RNF148: variants seen among roughly 807,000 people sequenced by gnomAD.
The protein encoded by RNF148 is ring finger protein 148.
A neutral mutation model predicts 21.1 loss-of-function variants in RNF148; 16 were observed. The observed-to-expected ratio is 0.76, with a 90% confidence interval of 0.51 to 1.15. The LOEUF is 1.15. RNF148 is among the 50% of genes most tolerant of loss of function. RNF148 has a pLI of 0.00. For missense variants in RNF148, 424 were observed against 374.2 expected, an observed-to-expected ratio of 1.13 and a Z score of -1.10; for synonymous variants, 150 against 136.4, an observed-to-expected ratio of 1.10 and a Z score of -0.69.
At position 122,702,481 on chromosome 7, in the gene RNF148, G is replaced by T; in HGVS notation, c.270C>A (p.Thr90=). ...CTGCCTGTTTGGGCCTGCTGAAATTGGTCAAAGGATGACAGGCATTCTGAT... is the reference window on the plus strand; with the variant it reads ...CTGCCTGTTTGGGCCTGCTGAAATTTGTCAAAGGATGACAGGCATTCTGAT... ...GWNQNACHPL[T]NFSRPKQADS... The change falls in exon 1 of 1, where the codon ACC becomes ACA. Residue 90 remains threonine, a synonymous_variant. Transcript: ENST00000434824. 6.2e-7 allele frequency: 1 copy of T among 1,613,718 alleles called. No homozygotes were observed. The highest frequency in any genetic ancestry group is 8.5e-7 in the Non-Finnish European group (1 of 1,179,772).
chr7:122,702,355 A>G lies in RNF148; in HGVS notation c.396T>C (p.Tyr132=). 1 of 1,613,734 alleles carries G rather than the reference A, an allele frequency of 6.2e-7. No individual in the cohort carries two copies. The highest frequency in any genetic ancestry group is 8.5e-7 in the Non-Finnish European group (1 of 1,179,770). The change falls in exon 1 of 1, where the codon TAT becomes TAC. Residue 132 remains tyrosine (Y), a synonymous_variant. Transcript: ENST00000434824. ...KGANGVIIYN[Y]QGTGSKVFPM... ...GAAATACTTTACTGCCCGTACCTTG[A>G]TAGTTGTAGATGATCACCCCATTTG...
chr7:122,702,767 T>C lies in RNF148; in HGVS notation c.-17A>G. 6.5e-7 allele frequency: 1 copy of C among 1,548,806 alleles called. No individual in the cohort carries two copies. Among genetic ancestry groups the C allele is most frequent in the Non-Finnish European group, 8.7e-7 (1 of 1,144,810 alleles). The stretch of plus-strand genomic sequence containing the variant: ...GAAGCTCATGCCTCCATTTGTCTAT[T>C]AAGAGACAAACATGAGAAAACAAAA... On this transcript the variant is annotated 5_prime_UTR_variant, in exon 1 of 1. The change abolishes the stop of an existing upstream ORF in the 5' untranslated region. Coordinates refer to ENST00000434824, the MANE Select transcript of RNF148 (RefSeq NM_198085.2).
Position 122,702,310 on chromosome 7 carries a change from C to T in RNF148, c.441G>A (p.Thr147=), listed in dbSNP as rs756435467. The change falls in exon 1 of 1, where the codon ACG becomes ACA. Residue 147 remains threonine, a synonymous_variant. Transcript: ENST00000434824. ...TTATCATCACCGCGACTATATTTTC[C>T]GTCCCCTGGTGAGACATGGGAAATA... ...SKVFPMSHQG[T]ENIVAVMISN... 11 of 1,613,684 alleles carry T rather than the reference C, an allele frequency of 6.8e-6. No individual in the cohort carries two copies. Among genetic ancestry groups the T allele is most frequent in the African/African-American group, 4.0e-5 (3 of 74,908 alleles).
Position 122,702,068 on chromosome 7 carries a change from A to G in RNF148, c.683T>C (p.Ile228Thr), listed in dbSNP as rs2086211409. ...PNSFTRRRSQ[I>T]KTDVKKAIDQ... ...AATAGCTTTCTTCACATCTGTCTTT[A>G]TTTGACTTCGCCTCCTGGTGAAAGA... The change falls in exon 1 of 1, where the codon ATA becomes ACA. Residue 228 changes from isoleucine (I) to threonine (T), a missense_variant. Coordinates refer to ENST00000434824, the MANE Select transcript of RNF148 (RefSeq NM_198085.2). 6.2e-7 allele frequency: 1 copy of G among 1,613,476 alleles called. No individual in the cohort carries two copies. Among genetic ancestry groups the G allele is most frequent in the Non-Finnish European group, 8.5e-7 (1 of 1,179,704 alleles).
chr7:122,702,626 A>C lies in RNF148; in HGVS notation c.125T>G (p.Leu42Arg). The change falls in exon 1 of 1, where the codon CTG becomes CGG. Residue 42 changes from leucine to arginine, a missense_variant. Physicochemically the swap from Leu to Arg is moderately radical, Grantham distance 102. Coordinates refer to ENST00000434824, the MANE Select transcript of RNF148 (RefSeq NM_198085.2). ...SNGKAIWTAH[L>R]NITFQVGNEI... ...ATTTCCAACCTGAAATGTTATATTCAGGTGAGCTGTCCAAATGGCTTTTCC... is the reference window on the plus strand; with the variant it reads ...ATTTCCAACCTGAAATGTTATATTCCGGTGAGCTGTCCAAATGGCTTTTCC... The C allele has an allele frequency of 6.2e-7, 1 of 1,613,626 alleles. No individual in the cohort carries two copies.
At position 122,702,076 on chromosome 7, in the gene RNF148, T is replaced by C. The variant is rs748454175; in HGVS notation, c.675A>G (p.Arg225=). 1.9e-6 allele frequency: 3 copies of C among 1,613,672 alleles called. No individual in the cohort carries two copies. The highest frequency in any genetic ancestry group is 1.7e-6 in the Non-Finnish European group (2 of 1,179,722). Residue 225 remains arginine, a synonymous_variant, in exon 1 of 1, where the codon CGA becomes CGG. Coordinates refer to ENST00000434824, the MANE Select transcript of RNF148 (RefSeq NM_198085.2). ...TCTTCACATCTGTCTTTATTTGACTTCGCCTCCTGGTGAAAGAATTGGGCA... is the reference window on the plus strand; with the variant it reads ...TCTTCACATCTGTCTTTATTTGACTCCGCCTCCTGGTGAAAGAATTGGGCA... ...PRVPNSFTRR[R]SQIKTDVKKA...
Position 122,702,724 on chromosome 7 carries a change from C to T in RNF148, c.27G>A (p.Ser9=), listed in dbSNP as rs147362816. 911 of 1,608,442 alleles carry T rather than the reference C, an allele frequency of 5.7e-4. 2 individuals are homozygous for T. The African/African-American group carries it at 0.011, about 19-fold the overall frequency. The change falls in exon 1 of 1, where the codon TCG becomes TCA. Residue 9 remains serine, a synonymous_variant. Transcript: ENST00000434824. ...GTCCAGATGAAACAGAACTATGCGT[C>T]GAAGGGGTAATTCTAAGGAAGCTCA... MSFLRITP[S]THSSVSSGLL...
At position 122,701,917 on chromosome 7, in the gene RNF148, A is replaced by G. The variant is rs771694350; in HGVS notation, c.834T>C (p.His278=). The G allele has an allele frequency of 4.7e-5, 76 of 1,613,668 alleles. No homozygotes were observed. The highest frequency in any genetic ancestry group is 5.9e-5 in the Non-Finnish European group (70 of 1,179,638). The change falls in exon 1 of 1, where the codon CAT becomes CAC. Residue 278 remains histidine (H), a synonymous_variant. Transcript: ENST00000434824. The part of the protein sequence containing the change: ...QDVVRILTCK[H]FFHKACIDPW... The stretch of plus-strand genomic sequence containing the variant: ...GGTCAATGCATGCCTTATGGAAAAA[A>G]TGTTTGCAAGTTAAAATGCGTACTA...
At position 122,701,927 on chromosome 7, in the gene RNF148, G is replaced by A; in HGVS notation, c.824C>T (p.Thr275Ile). Residue 275 changes from threonine (T) to isoleucine (I), a missense_variant, in exon 1 of 1, where the codon ACT becomes ATT. Thr to Ile is a moderately conservative substitution (Grantham distance 89). Coordinates refer to ENST00000434824, the MANE Select transcript of RNF148 (RefSeq NM_198085.2). ...YKPQDVVRILTCKHFFHKACI... is the reference protein window; with the variant it reads ...YKPQDVVRILICKHFFHKACI... Reference sequence around the variant, plus strand: ...TGCCTTATGGAAAAAATGTTTGCAAGTTAAAATGCGTACTACATCTTGGGG... The same window carrying A: ...TGCCTTATGGAAAAAATGTTTGCAAATTAAAATGCGTACTACATCTTGGGG... The A allele has an allele frequency of 6.2e-7, 1 of 1,613,576 alleles. No individual in the cohort carries two copies. The highest frequency in any genetic ancestry group is 8.5e-7 in the Non-Finnish European group (1 of 1,179,600).
In RNF148 at chr7:122,702,311, G is replaced by A. The variant is rs201973741; in HGVS notation, c.440C>T (p.Thr147Met). Residue 147 changes from threonine (T) to methionine (M), a missense_variant, in exon 1 of 1, where the codon ACG becomes ATG. Coordinates refer to ENST00000434824, the MANE Select transcript of RNF148 (RefSeq NM_198085.2). Reference protein sequence around the residue: ...SKVFPMSHQGTENIVAVMISN... With the variant: ...SKVFPMSHQGMENIVAVMISN... ...TATCATCACCGCGACTATATTTTCC[G>A]TCCCCTGGTGAGACATGGGAAATAC... 121 of 1,613,598 alleles carry A rather than the reference G, an allele frequency of 7.5e-5. No individual in the cohort carries two copies. The highest frequency in any genetic ancestry group is 5.0e-4 in the Middle Eastern group (3 of 6,060).
Position 122,702,468 on chromosome 7 carries a change from G to A in RNF148, c.283C>T (p.Pro95Ser). The A allele has an allele frequency of 3.7e-6, 6 of 1,613,712 alleles. No homozygotes were observed. The South Asian group carries it at 6.6e-5, about 18-fold the overall frequency. Reference protein sequence around the residue: ...ACHPLTNFSRPKQADSWLALI... With the variant: ...ACHPLTNFSRSKQADSWLALI... ...GCCAGCCATGAGTCTGCCTGTTTGG[G>A]CCTGCTGAAATTGGTCAAAGGATGA... Residue 95 changes from proline to serine, a missense_variant, in exon 1 of 1, where the codon CCC becomes TCC. By Grantham distance (74) the Pro-to-Ser change is moderately conservative. Coordinates refer to ENST00000434824, the MANE Select transcript of RNF148 (RefSeq NM_198085.2).
Position 122,701,865 on chromosome 7 carries a change from G to C in RNF148, c.886C>G (p.Pro296Ala), listed in dbSNP as rs760581780. ...DPWLLAHRTC[P>A]MCKCDILKT ...TTCAGGATGTCACACTTGCACATGG[G>C]ACATGTCCTATGGGCTAAAAGCCAG... The change falls in exon 1 of 1, where the codon CCC (proline) becomes GCC (alanine). Residue 296 changes from proline to alanine, a missense_variant. Coordinates refer to ENST00000434824, the MANE Select transcript of RNF148 (RefSeq NM_198085.2). 3.7e-6 allele frequency: 6 copies of C among 1,611,352 alleles called. No homozygotes were observed. The Admixed American group carries it at 1.0e-4, about 27-fold the overall frequency.
In RNF148 at chr7:122,702,368, A is replaced by G; in HGVS notation, c.383T>C (p.Ile128Thr). 1 of 1,613,768 alleles carries G rather than the reference A, an allele frequency of 6.2e-7. No homozygotes were observed. Among genetic ancestry groups the G allele is most frequent in the Non-Finnish European group, 8.5e-7 (1 of 1,179,790 alleles). The change falls in exon 1 of 1, where the codon ATC becomes ACC. Residue 128 changes from isoleucine to threonine, a missense_variant. Ile to Thr is a moderately conservative substitution (Grantham distance 89, BLOSUM62 -1). Transcript: ENST00000434824. ...GCCCGTACCTTGATAGTTGTAGATGATCACCCCATTTGCTCCCTTCTCTGC... is the reference window on the plus strand; with the variant it reads ...GCCCGTACCTTGATAGTTGTAGATGGTCACCCCATTTGCTCCCTTCTCTGC... ...VAAEKGANGV[I>T]IYNYQGTGSK...
rs773977697 is a variant in RNF148, at chr7:122,702,183, A to G, written c.568T>C (p.Tyr190His). 4.5e-5 allele frequency: 72 copies of G among 1,613,622 alleles called. No individual in the cohort carries two copies. In the South Asian group the frequency reaches 7.7e-4, roughly 17 times the overall value. ...AGGAAGGTAAATAGATACATGATGTAATGGCTCACCCACTGCATGTGCATT... is the reference window on the plus strand; with the variant it reads ...AGGAAGGTAAATAGATACATGATGTGATGGCTCACCCACTGCATGTGCATT... Reference protein sequence around the residue: ...GRMHMQWVSHYIMYLFTFLAA... With the variant: ...GRMHMQWVSHHIMYLFTFLAA... Residue 190 changes from tyrosine to histidine, a missense_variant, in exon 1 of 1, where the codon TAC becomes CAC. Physicochemically the swap from Tyr to His is moderately conservative, Grantham distance 83 (BLOSUM62 2). Transcript: ENST00000434824.
At position 122,702,184 on chromosome 7, in the gene RNF148, A is replaced by T. The variant is rs761212494; in HGVS notation, c.567T>A (p.His189Gln). ...VGRMHMQWVS[H>Q]YIMYLFTFLA... ...GGAAGGTAAATAGATACATGATGTA[A>T]TGGCTCACCCACTGCATGTGCATTC... The change falls in exon 1 of 1, where the codon CAT becomes CAA. Residue 189 changes from histidine (H) to glutamine (Q), a missense_variant. Coordinates refer to ENST00000434824, the MANE Select transcript of RNF148 (RefSeq NM_198085.2). 6.2e-7 allele frequency: 1 copy of T among 1,613,668 alleles called. No homozygotes were observed. The highest frequency in any genetic ancestry group is 2.2e-5 in the East Asian group (1 of 44,868).
chr7:122,701,791 T>C lies in RNF148; in HGVS notation c.*42A>G. On this transcript the variant is annotated 3_prime_UTR_variant, in exon 1 of 1. Coordinates refer to ENST00000434824, the MANE Select transcript of RNF148 (RefSeq NM_198085.2). ...AGACAATTTATCTAATCTTTGTATT[T>C]GGAAAGATCTGGTTACATCTTCAGA... 7.9e-7 allele frequency: 1 copy of C among 1,269,906 alleles called. No individual in the cohort carries two copies. The highest frequency in any genetic ancestry group is 2.2e-5 in the Admixed American group (1 of 44,796). The allele number at this position is 1,269,906 out of a possible 1,614,324, so 78.7% of individuals were successfully genotyped here.
rs749833131 is a variant in RNF148 at position 122,702,312 on chromosome 7, T to C, written c.439A>G (p.Thr147Ala). 1 of 1,613,770 alleles carries C rather than the reference T, an allele frequency of 6.2e-7. No homozygotes were observed. The highest frequency in any genetic ancestry group is 8.5e-7 in the Non-Finnish European group (1 of 1,179,774). ...SKVFPMSHQG[T>A]ENIVAVMISN... ...ATCATCACCGCGACTATATTTTCCGTCCCCTGGTGAGACATGGGAAATACT... is the reference window on the plus strand; with the variant it reads ...ATCATCACCGCGACTATATTTTCCGCCCCCTGGTGAGACATGGGAAATACT... Residue 147 changes from threonine to alanine, a missense_variant, in exon 1 of 1, where the codon ACG becomes GCG. Physicochemically the swap from Thr to Ala is moderately conservative, Grantham distance 58. Transcript: ENST00000434824.
At position 122,702,454 on chromosome 7, in the gene RNF148, G is replaced by C; in HGVS notation, c.297C>G (p.Asp99Glu). The C allele has an allele frequency of 1.2e-6, 2 of 1,613,780 alleles. No homozygotes were observed. Among genetic ancestry groups the C allele is most frequent in the Non-Finnish European group, 1.7e-6 (2 of 1,179,776 alleles). The change falls in exon 1 of 1, where the codon GAC (aspartate) becomes GAG (glutamate). Residue 99 changes from aspartate to glutamate, a missense_variant. Asp to Glu is a conservative substitution (Grantham distance 45). Coordinates refer to ENST00000434824, the MANE Select transcript of RNF148 (RefSeq NM_198085.2). Reference protein sequence around the residue: ...LTNFSRPKQADSWLALIERGG... With the variant: ...LTNFSRPKQAESWLALIERGG... ...CACGTTCGATGAGGGCCAGCCATGA[G>C]TCTGCCTGTTTGGGCCTGCTGAAAT...
rs754252768 is a variant in RNF148, at chr7:122,702,406, T to G, written c.345A>C (p.Lys115Asn). ...CTCCCTTCTCTGCTGCCACGTTGAT[T>G]TTATGTGTAAAAGTACAGCCTCCAC... is the stretch of plus-strand genomic sequence containing the variant. Reference protein sequence around the residue: ...IERGGCTFTHKINVAAEKGAN... With the variant: ...IERGGCTFTHNINVAAEKGAN... Residue 115 changes from lysine to asparagine, a missense_variant, in exon 1 of 1, where the codon AAA becomes AAC. Physicochemically the swap from Lys to Asn is moderately conservative, Grantham distance 94. Coordinates refer to ENST00000434824, the MANE Select transcript of RNF148 (RefSeq NM_198085.2). 50 of 1,613,634 alleles carry G rather than the reference T, an allele frequency of 3.1e-5. 2 individuals carry two copies. The South Asian group carries it at 3.3e-4, about 11-fold the overall frequency.
Sources: allele counts gnomAD v4.1 joint callset, GRCh38; gene constraint gnomAD v4.1.1; transcripts MANE v1.5; gene names NCBI Gene and HGNC (gene_info 2026-07-23, HGNC 2026-07-21).